The following ST7 variants were observed in gnomAD, a reference collection of about 807,000 sequenced individuals.
ST7 encodes suppressor of tumorigenicity 7 protein.
ST7 carries 28 observed loss-of-function variants against 78.7 expected under a neutral mutation model. That is an observed-to-expected ratio of 0.36 (90% confidence interval 0.26 to 0.49). ST7 has a LOEUF of 0.49. Ranked by LOEUF, ST7 falls within the 20% of genes least tolerant of loss-of-function variation. ST7 has a pLI of 0.99. For synonymous variants in ST7, 247 were observed against 249.6 expected (o/e 0.99, Z 0.10); for missense variants, 418 against 696.0 (o/e 0.60, Z 4.49).
intron 2 of ST7, among the ~76,000 whole-genome samples, chr7:117,103,575 C>A (rs1164640069): frequency 6.6e-6 from 1 of 152,134 alleles, no homozygotes; most frequent in Non-Finnish European, 1.5e-5. Context: ...GGACCTCTAT[C>A]TCTCACCATA....
Position 117,221,083 on chromosome 7 carries a change from C to T in ST7, c.1499-840C>T, listed in dbSNP as rs1243165975. ...GTGGCTCTTTCTCCTCCTGCAGGCC[C>T]GCCCCATCGACCCAGGCAGTCTCTC... is the stretch of plus-strand genomic sequence containing the variant. On this transcript the variant is annotated intron_variant, in intron 14 of 15. Transcript: ENST00000323984. 4.6e-5 allele frequency among the ~76,000 whole-genome samples: 7 copies of T among 152,104 alleles called. No individual in the cohort carries two copies. In the East Asian group the frequency reaches 5.8e-4, roughly 13 times the overall value.
chr7:117,187,179 T>C (rs986173484), intron 10 of ST7, among the ~76,000 whole-genome samples: 2 of 152,198 alleles, frequency 1.3e-5, no homozygotes, highest in African/African-American at 4.8e-5. Flanking sequence ...TGAAAATATC[T>C]AAATAAACCA....
At chr7:117,200,475 A>C (rs1810718080) in intron 12 of ST7, among the ~76,000 whole-genome samples, 1 of 152,202 alleles carries the variant, frequency 6.6e-6, no homozygotes. Context: ...GAAAAAAATA[A>C]AGAAAAATTG....
At chr7:116,964,977 G>T (rs1562980681) in intron 1 of ST7, among the ~76,000 whole-genome samples, 1 of 152,182 alleles carries the variant, frequency 6.6e-6, no homozygotes, top group Non-Finnish European at 1.5e-5. Context: ...GGAAAGCACA[G>T]AAGTCATGGC....
At chr7:117,044,143 T>A (rs561260087) in intron 1 of ST7, among the ~76,000 whole-genome samples, 2 of 152,224 alleles carry the variant, frequency 1.3e-5, no homozygotes, top group South Asian at 4.1e-4. Context: ...ATGTCTTTTT[T>A]CTTTGGCTTC....
intron 9 of ST7, among the ~76,000 whole-genome samples, chr7:117,160,525 C>A (rs1807053353): frequency 6.7e-6 from 1 of 148,888 alleles, no homozygotes; most frequent in Admixed American, 6.6e-5. Flanking sequence ...GCCCTCTCTC[C>A]CGTGACAATC....
At chr7:117,040,584 G>C (rs1797161914) in intron 1 of ST7, among the ~76,000 whole-genome samples, 1 of 152,194 alleles carries the variant, frequency 6.6e-6, no homozygotes, top group African/African-American at 2.4e-5. Flanking sequence ...AACGGAGCAG[G>C]TTGCTTCATA....
chr7:117,137,994 G>A (rs1377330469), intron 8 of ST7, among the ~76,000 whole-genome samples: 1 of 152,050 alleles, frequency 6.6e-6, no homozygotes, highest in Non-Finnish European at 1.5e-5. Context: ...GATGTCACTA[G>A]TGTTAGGGAA....
chr7:117,216,707 A>G (rs1221600919), intron 13 of ST7, among the ~76,000 whole-genome samples: 1 of 152,100 alleles, frequency 6.6e-6, no homozygotes, highest in Non-Finnish European at 1.5e-5. Context: ...AGGGTGGGTA[A>G]AGGATAGAAT....
At chr7:117,041,097 G>C (rs1797194157) in intron 1 of ST7, among the ~76,000 whole-genome samples, 1 of 152,144 alleles carries the variant, frequency 6.6e-6, no homozygotes, top group Admixed American at 6.5e-5. Flanking sequence ...TCTGTCTTGT[G>C]GTGTGAGGGC....
intron 1 of ST7, among the ~76,000 whole-genome samples, chr7:117,031,898 T>G (rs1170817288): frequency 6.1e-5 from 7 of 113,974 alleles, no homozygotes; most frequent in Admixed American, 9.5e-5. Context: ...TTTTTTTTTT[T>G]GGCAATGGAG....
chr7:117,167,786 A>AAG (rs1263886690), intron 9 of ST7, among the ~76,000 whole-genome samples: 3 of 152,200 alleles, frequency 2.0e-5, no homozygotes, highest in African/African-American at 7.2e-5. Flanking sequence ...TGAAGAAGCC[A>AAG]AGAGAGGCAA....
rs776187897 is a variant in ST7, at chr7:117,094,303, G to T, written c.152-5459G>T. Among the ~76,000 whole-genome samples the T allele has an allele frequency of 3.3e-5, 5 of 152,100 alleles. No homozygotes were observed. The East Asian group carries it at 7.7e-4, about 23-fold the overall frequency. Reference sequence around the variant, plus strand: ...GGTACTCTGCATGGAATGGCCTACCGCTCTACCCCTCACTGTTCCCTAGTC... The same window carrying T: ...GGTACTCTGCATGGAATGGCCTACCTCTCTACCCCTCACTGTTCCCTAGTC... On this transcript the variant is annotated intron_variant, in intron 1 of 15. Coordinates refer to ENST00000323984, the MANE Select transcript of ST7 (RefSeq NM_001369598.1).
chr7:116,955,513 T>A (rs577174257), intron 1 of ST7, among the ~76,000 whole-genome samples: 1 of 152,322 alleles, frequency 6.6e-6, no homozygotes, highest in South Asian at 2.1e-4. Flanking sequence ...AGGCAGAGCC[T>A]TCATGACCTA....
At chr7:117,039,693 A>G (rs1797104969) in intron 1 of ST7, among the ~76,000 whole-genome samples, 1 of 152,114 alleles carries the variant, frequency 6.6e-6, no homozygotes, top group Non-Finnish European at 1.5e-5. Flanking sequence ...TTTTTATTTT[A>G]TTTTTAAAAA....
chr7:117,080,019 C>A (rs187621838), intron 1 of ST7, among the ~76,000 whole-genome samples: 1 of 116,954 alleles, frequency 8.6e-6, no homozygotes, highest in African/African-American at 3.3e-5. Context: ...CTCGCTCTGT[C>A]GCCCAGGCTG....
At chr7:116,962,176 C>T (rs1007510807) in intron 1 of ST7, among the ~76,000 whole-genome samples, 5 of 152,130 alleles carry the variant, frequency 3.3e-5, no homozygotes, top group African/African-American at 9.7e-5. Context: ...TTTCTTTATC[C>T]AGTCTATCAT....
intron 15 of ST7, among the ~76,000 whole-genome samples, chr7:117,222,563 T>C (rs949282784): frequency 3.3e-5 from 5 of 152,112 alleles, no homozygotes; most frequent in Non-Finnish European, 5.9e-5. Context: ...TGAAATGACA[T>C]TTAGAAATAT....
At chr7:117,200,192 G>A (rs1253206000) in intron 12 of ST7, among the ~76,000 whole-genome samples, 1 of 152,062 alleles carries the variant, frequency 6.6e-6, no homozygotes. Context: ...TCCTAATTCA[G>A]TCTTACATGA....
Sources: allele counts gnomAD v4.1 joint callset (sites outside exome capture counted in the v4.1 genomes callset), GRCh38; gene constraint gnomAD v4.1.1; transcripts MANE v1.5; gene names NCBI Gene and HGNC (gene_info 2026-07-23, HGNC 2026-07-21).